Variants in PLA2G15 observed in about 807,000 individuals in gnomAD.
PLA2G15 encodes lysosomal phospholipase A and acyltransferase.
PLA2G15 carries 20 observed loss-of-function variants against 40.9 expected under a neutral mutation model. The observed-to-expected ratio is 0.49, with a 90% CI of 0.34 to 0.71. The LOEUF (loss-of-function observed/expected upper bound fraction) is 0.71. Among genes scored for constraint, PLA2G15 ranks in the 30% least tolerant of loss-of-function variants. The pLI, the probability that PLA2G15 is intolerant of heterozygous loss-of-function variation, is 0.01. For synonymous variants in PLA2G15, 223 were observed against 228.2 expected, an observed-to-expected ratio of 0.98 and a Z score of 0.21; for missense variants, 471 against 541.9, an observed-to-expected ratio of 0.87 and a Z score of 1.30.
chr16:68,249,434 T>C lies in PLA2G15; in HGVS notation c.272T>C (p.Ile91Thr). 6.2e-7 allele frequency: 1 copy of C among 1,614,106 alleles called. No individual in the cohort carries two copies. Among genetic ancestry groups the C allele is most frequent in the Non-Finnish European group, 8.5e-7 (1 of 1,179,996 alleles). The change falls in exon 2 of 6, where the codon ATT becomes ACT. Residue 91 changes from isoleucine (I) to threonine (T), a missense_variant. Transcript: ENST00000219345. Reference protein sequence around the residue: ...LLLPVIIDCWIDNIRLVYNKT... With the variant: ...LLLPVIIDCWTDNIRLVYNKT... ...CTGCCTGTCATCATTGACTGCTGGA[T>C]TGACAATATCAGGTGGGGGCTGGGG...
chr16:68,253,413 A>G (rs927674024), intron 2 of PLA2G15: 9 of 436,764 alleles, frequency 2.1e-5, no homozygotes, highest in Non-Finnish European at 3.6e-5. Context: ...TTTCGCTCTT[A>G]TTGCCCAGGC....
At chr16:68,250,561 A>T (rs1184657778) in intron 2 of PLA2G15, among the ~76,000 whole-genome samples, 1 of 151,902 alleles carries the variant, frequency 6.6e-6, no homozygotes, top group Non-Finnish European at 1.5e-5. Context: ...GTGAGCCACC[A>T]CACCCAGCCC....
chr16:68,245,659 A>G, intron 1 of PLA2G15, 106 bp downstream of exon 1: 2 of 1,260,390 alleles, frequency 1.6e-6, no homozygotes, highest in South Asian at 1.3e-5. Flanking sequence ...GGGGGAGCGT[A>G]TTGGTATCTG....
chr16:68,260,037 T>G lies in PLA2G15; in HGVS notation c.*380T>G. ...CTGGGCCCTGGCCCCGCAGCCTTCC[T>G]ATGAGGGATGTTACTGGGCTGTGGT... On this transcript the variant is annotated 3_prime_UTR_variant, in exon 6 of 6. Coordinates refer to ENST00000219345, the MANE Select transcript of PLA2G15 (RefSeq NM_012320.4). The G allele has an allele frequency of 3.8e-6, 1 of 260,386 alleles. No individual in the cohort carries two copies. The highest frequency in any genetic ancestry group is 7.5e-6 in the Non-Finnish European group (1 of 133,106). 16.1% of individuals were successfully genotyped at this position (260,386 alleles called of 1,614,324 possible).
chr16:68,255,892 G>A lies in PLA2G15; in HGVS notation c.629G>A (p.Arg210Gln), dbSNP rs2042397369. ...GNMYTLYFLQ[R>Q]QPQAWKDKYI... Reference sequence around the variant, plus strand: ...ATGTACACGCTCTACTTTCTGCAGCGGCAGCCGCAGGCCTGGAAGGACAAG... The same window carrying A: ...ATGTACACGCTCTACTTTCTGCAGCAGCAGCCGCAGGCCTGGAAGGACAAG... The change falls in exon 5 of 6, where the codon CGG (arginine) becomes CAG (glutamine). Residue 210 changes from arginine (R) to glutamine (Q), a missense_variant. Coordinates refer to ENST00000219345, the MANE Select transcript of PLA2G15 (RefSeq NM_012320.4). This position sits in a 1 kb window ranked among gnomAD's most constrained non-coding sequence, Gnocchi z 5.9. The A allele has an allele frequency of 3.7e-6, 6 of 1,613,792 alleles. No individual in the cohort carries two copies. The highest frequency in any genetic ancestry group is 2.2e-5 in the East Asian group (1 of 44,876).
At chr16:68,257,043 G>C (rs923269145) in intron 5 of PLA2G15, among the ~76,000 whole-genome samples, 1 of 151,936 alleles carries the variant, frequency 6.6e-6, no homozygotes, top group African/African-American at 2.4e-5. Context: ...ACCACACCCG[G>C]CTAATTTTTG....
intron 1 of PLA2G15, among the ~76,000 whole-genome samples, chr16:68,247,423 T>C (rs1021645064): frequency 6.6e-6 from 1 of 152,188 alleles, no homozygotes; most frequent in Non-Finnish European, 1.5e-5. Context: ...GTGAAAGGCA[T>C]GTGGATGGCT....
chr16:68,257,683 G>A (rs1196388316), intron 5 of PLA2G15, among the ~76,000 whole-genome samples: 2 of 152,182 alleles, frequency 1.3e-5, no homozygotes, highest in African/African-American at 4.8e-5. Flanking sequence ...CATTGTGATT[G>A]GGTCAGGCCC....
Position 68,245,428 on chromosome 16 carries a change from TG to T in PLA2G15, c.5del (p.Gly2?). Reference protein sequence around the residue: MGLHLRPYRVG... With the variant: XGLHLRPYRVG... Reference sequence around the variant, plus strand: ...GACCTGCGGCGACCGTCGTACACCATGGGCCTCCACCTCCGCCCCTACCGTG... The same window carrying T: ...GACCTGCGGCGACCGTCGTACACCATGGCCTCCACCTCCGCCCCTACCGTG... On this transcript the variant is annotated frameshift_variant and start_lost, in exon 1 of 6. Transcript: ENST00000219345. LOFTEE classifies it high-confidence loss of function. 6.2e-7 allele frequency: 1 copy of T among 1,603,934 alleles called. No individual in the cohort carries two copies.
intron 2 of PLA2G15, 27 bp downstream of exon 2, chr16:68,249,473 G>T (rs780702311): frequency 9.9e-6 from 16 of 1,610,454 alleles, no homozygotes; most frequent in Middle Eastern, 1.7e-4. Flanking sequence ...ACAGAGGGGG[G>T]TGCTGCTCAC....
At chr16:68,248,792 C>G in intron 1 of PLA2G15, 3 of 816,798 alleles carry the variant, frequency 3.7e-6, no homozygotes, top group Non-Finnish European at 4.5e-6. Context: ...CCATCGGGGT[C>G]CATTAACCAT....
At chr16:68,249,072 A>C (rs930686544) in intron 1 of PLA2G15, among the ~76,000 whole-genome samples, 3 of 152,210 alleles carry the variant, frequency 2.0e-5, no homozygotes, top group African/African-American at 7.2e-5. Flanking sequence ...CAGCAGTAGC[A>C]GCTTTTCTGC....
intron 2 of PLA2G15, among the ~76,000 whole-genome samples, chr16:68,251,645 G>A (rs2042355361): frequency 6.6e-6 from 1 of 151,980 alleles, no homozygotes; most frequent in East Asian, 1.9e-4. Context: ...TCGTGCCATT[G>A]TACTCCAGCC....
At chr16:68,251,374 A>G (rs997766615) in intron 2 of PLA2G15, among the ~76,000 whole-genome samples, 1 of 152,110 alleles carries the variant, frequency 6.6e-6, no homozygotes, top group Non-Finnish European at 1.5e-5. Context: ...AGCTGAATGG[A>G]GTCTCCCAAA....
At chr16:68,245,586 TC>T in intron 1 of PLA2G15, 33 bp downstream of exon 1, 1 of 1,550,626 alleles carries the variant, frequency 6.4e-7, no homozygotes, top group Non-Finnish European at 8.7e-7. Context: ...GATCTGTCGG[TC>T]GGGCGGGACG....
intron 2 of PLA2G15, among the ~76,000 whole-genome samples, chr16:68,251,147 T>C (rs2042351915): frequency 6.6e-6 from 1 of 152,064 alleles, no homozygotes; most frequent in Non-Finnish European, 1.5e-5. Context: ...TTTTTAAACC[T>C]GCTTTACAAC....
At chr16:68,257,748 C>T (rs1596951133) in intron 5 of PLA2G15, among the ~76,000 whole-genome samples, 2 of 152,188 alleles carry the variant, frequency 1.3e-5, no homozygotes, top group African/African-American at 4.8e-5. Flanking sequence ...TCATTATAGC[C>T]ACCACTTCGG....
rs372450538 is a variant in PLA2G15 at position 68,256,015 on chromosome 16, G to T, written c.727+25G>T. On this transcript the variant is annotated intron_variant, in intron 5 of 5. Coordinates refer to ENST00000219345, the MANE Select transcript of PLA2G15 (RefSeq NM_012320.4). ...GGTAAGACCCTACCTGGCCCAGCGT[G>T]GGGGGCTGTTGCCAGGAATTCTGCC... 137 of 1,489,188 alleles carry T rather than the reference G, an allele frequency of 9.2e-5. 3 individuals are homozygous for T. The South Asian group carries it at 1.5e-3, about 17-fold the overall frequency. The allele number at this position is 1,489,188 out of a possible 1,614,324, so 92.2% of individuals were successfully genotyped here.
chr16:68,255,705 G>T lies in PLA2G15; in HGVS notation c.503-61G>T, dbSNP rs563874493. On this transcript the variant is annotated intron_variant, in intron 4 of 5. Transcript: ENST00000219345. This position sits in a 1 kb window ranked among gnomAD's most constrained non-coding sequence, Gnocchi z 5.9. ...TCGTCTTGTGTCTGGCCTGAGAAAA[G>T]CTCAGTGGTTCCGGCTCCAGGACCC... 3 of 1,403,384 alleles carry T rather than the reference G, an allele frequency of 2.1e-6. No homozygotes were observed. Among genetic ancestry groups the T allele is most frequent in the African/African-American group, 2.8e-5 (2 of 70,950 alleles). The allele number at this position is 1,403,384 out of a possible 1,614,324, so 86.9% of individuals were successfully genotyped here.
Sources: gnomAD v4.1 joint callset for allele counts (sites outside exome capture counted in the v4.1 genomes callset) on GRCh38, gnomAD v4.1.1 for gene constraint, Gnocchi (gnomAD v3.1) non-coding constraint, MANE v1.5 for transcripts, NCBI Gene and HGNC (gene_info 2026-07-23, HGNC 2026-07-21) for gene names.